The following PRPF8 variants were observed in gnomAD, a reference collection of about 807,000 sequenced individuals.
PRPF8 encodes the protein pre-mRNA-processing-splicing factor 8.
A neutral mutation model predicts 285.9 loss-of-function variants in PRPF8; 64 were observed. That is an observed-to-expected ratio of 0.22 (90% CI 0.18 to 0.28). The LOEUF is 0.28. PRPF8 is among the 10% of genes least tolerant of loss of function. PRPF8 has a pLI of 1.00. For missense variants in PRPF8, 1,426 were observed against 3,026.7 expected (o/e 0.47, Z 12.41); for synonymous variants, 1,325 against 1,118.2 (o/e 1.18, Z -3.69).
intron 24 of PRPF8, among the ~76,000 whole-genome samples, chr17:1,667,701 G>A (rs994931736): frequency 2.6e-5 from 4 of 151,988 alleles, no homozygotes; most frequent in African/African-American, 9.7e-5. Flanking sequence ...GTGCCACCAC[G>A]CCTGGCTAAT....
At chr17:1,678,313 T>G in intron 13 of PRPF8, 1 of 604,394 alleles carries the variant, frequency 1.7e-6, no homozygotes, top group South Asian at 1.9e-5. Context: ...AGACTCAGTT[T>G]CAAAACAAAA....
Position 1,673,016 on chromosome 17 carries a change from AG to A in PRPF8, c.3774+64del, listed in dbSNP as rs926289947. 22 of 1,433,910 alleles carry A rather than the reference AG, an allele frequency of 1.5e-5. No individual in the cohort carries two copies. Among genetic ancestry groups the A allele is most frequent in the Middle Eastern group, 1.8e-4 (1 of 5,582 alleles). The allele number at this position is 1,433,910 out of a possible 1,614,324, so 88.8% of individuals were successfully genotyped here. A position where few individuals can be genotyped will look rare whatever the true frequency, so the allele number is the denominator to read the frequency against. On this transcript the variant is annotated intron_variant, in intron 24 of 42. Coordinates refer to ENST00000304992, the MANE Select transcript of PRPF8 (RefSeq NM_006445.4). This position sits in a 1 kb window ranked among gnomAD's most constrained non-coding sequence, Gnocchi z 5.5. ...AGCAGCCAGCAGGGGACGAAGTGAA[AG>A]GGGTGTGAAATGAGCAGAGGACAGC...
At position 1,658,626 on chromosome 17, in the gene PRPF8, G is replaced by C; in HGVS notation, c.5276C>G (p.Thr1759Ser). The change falls in exon 33 of 43, where the codon ACT becomes AGT. Residue 1759 changes from threonine to serine, a missense_variant. This residue lies in a region of PRPF8 where 19 missense variants were observed against 92.8 expected (regional missense o/e 0.20). Transcript: ENST00000304992. This position sits in a 1 kb window ranked among gnomAD's most constrained non-coding sequence, Gnocchi z 4.1. ...GTTCTGAGAAGACAAATAAGGCTCA[G>C]TGGGTTCAGATGAATAGAGCTGTAG... ...KGLQLYSSEP[T>S]EPYLSSQNYG... 1.9e-6 allele frequency: 3 copies of C among 1,614,216 alleles called. No homozygotes were observed. Among genetic ancestry groups the C allele is most frequent in the Non-Finnish European group, 1.7e-6 (2 of 1,180,014 alleles).
chr17:1,681,211 A>G (rs1912903975), intron 6 of PRPF8, among the ~76,000 whole-genome samples, 157 bp from the exon 7 acceptor site: 1 of 151,740 alleles, frequency 6.6e-6, no homozygotes. Flanking sequence ...TTCCCAAGTA[A>G]CTGAGACTAC....
chr17:1,661,330 G>A lies in PRPF8; in HGVS notation c.4279C>T (p.Arg1427Trp), dbSNP rs1567679906. 2 of 1,614,152 alleles carry A rather than the reference G, an allele frequency of 1.2e-6. No individual in the cohort carries two copies. Among genetic ancestry groups the A allele is most frequent in the East Asian group, 2.2e-5 (1 of 44,882 alleles). The change falls in exon 27 of 43, where the codon CGG (arginine) becomes TGG (tryptophan). Residue 1427 changes from arginine to tryptophan, a missense_variant. Arg to Trp is a moderately radical substitution (Grantham distance 101). Coordinates refer to ENST00000304992, the MANE Select transcript of PRPF8 (RefSeq NM_006445.4). The surrounding 1 kb of genome is among the most constrained non-coding windows in gnomAD (Gnocchi z 7.3). ...CCCTTATCATAAGCCAGTGTGTGCCGGTCCTTCTGGAAGAGGGTATTGATT... is the reference window on the plus strand; with the variant it reads ...CCCTTATCATAAGCCAGTGTGTGCCAGTCCTTCTGGAAGAGGGTATTGATT... ...PRINTLFQKD[R>W]HTLAYDKGWR... is the part of the protein sequence containing the mutation.
At chr17:1,680,675 C>CA in intron 8 of PRPF8, 51 bp downstream of exon 8, 2 of 1,521,454 alleles carry the variant, frequency 1.3e-6, no homozygotes, top group South Asian at 2.2e-5. Flanking sequence ...CAGCCAACCT[C>CA]ACGCATTTCT....
intron 24 of PRPF8, among the ~76,000 whole-genome samples, chr17:1,672,114 T>C (rs980693983): frequency 1.3e-4 from 20 of 152,132 alleles, no homozygotes; most frequent in African/African-American, 4.6e-4. Context: ...CGTAATGCAA[T>C]AGTTCTAAAA....
intron 8 of PRPF8, 38 bp downstream of exon 8, chr17:1,680,688 T>C: frequency 2.6e-6 from 4 of 1,564,356 alleles, no homozygotes; most frequent in East Asian, 2.2e-5. Context: ...GCATTTCTCC[T>C]AGAAGAGCTG....
intron 13 of PRPF8, among the ~76,000 whole-genome samples, 196 bp from the exon 14 acceptor site, chr17:1,677,890 C>T (rs1207834353): frequency 1.3e-5 from 2 of 152,004 alleles, no homozygotes; most frequent in Admixed American, 6.6e-5. Context: ...AACCTTAAGG[C>T]AAAAACCAGG....
In PRPF8 at chr17:1,676,127, CTTCT is replaced by C; in HGVS notation, c.2552+76_2553-74del. 1.2e-6 allele frequency: 2 copies of C among 1,611,760 alleles called. No homozygotes were observed. The highest frequency in any genetic ancestry group is 1.7e-6 in the Non-Finnish European group (2 of 1,179,636). On this transcript the variant is annotated intron_variant, in intron 17 of 42. Coordinates refer to ENST00000304992, the MANE Select transcript of PRPF8 (RefSeq NM_006445.4). The surrounding 1 kb of genome is among the most constrained non-coding windows in gnomAD (Gnocchi z 6.3). ...AAACCAGGAAAGACTGGGGCTACAC[CTTCT>C]TTCTTTGGACTCTGAGGATGACGCC...
chr17:1,680,638 T>C (rs1912863082), intron 8 of PRPF8, 88 bp downstream of exon 8: 16 of 1,204,490 alleles, frequency 1.3e-5, no homozygotes, highest in Non-Finnish European at 2.0e-5. Context: ...AAAACACATC[T>C]CCCTCCACCT....
chr17:1,653,336 C>G lies in PRPF8; in HGVS notation c.6369+206G>C. 1 of 679,650 alleles carries G rather than the reference C, an allele frequency of 1.5e-6. No homozygotes were observed. 42.1% of individuals were successfully genotyped at this position (679,650 alleles called of 1,614,324 possible). A position where few individuals can be genotyped will look rare whatever the true frequency, so the allele number is the denominator to read the frequency against. The stretch of plus-strand genomic sequence containing the variant: ...TCTTCCAAATACTATCAGGCCAATA[C>G]TACAATTACTACCTTCTCTCAGCTG... On this transcript the variant is annotated intron_variant, in intron 39 of 42. Coordinates refer to ENST00000304992, the MANE Select transcript of PRPF8 (RefSeq NM_006445.4). The surrounding 1 kb of genome is among the most constrained non-coding windows in gnomAD (Gnocchi z 4.9).
chr17:1,677,824 T>C, intron 13 of PRPF8, 130 bp from the exon 14 acceptor site: 1 of 1,227,676 alleles, frequency 8.1e-7, no homozygotes, highest in Non-Finnish European at 1.1e-6. Context: ...AGTAGAGGGG[T>C]AAAAAGAAAA....
chr17:1,677,265 T>C, intron 14 of PRPF8, 93 bp from the exon 15 acceptor site: 1 of 1,294,692 alleles, frequency 7.7e-7, no homozygotes, highest in Non-Finnish European at 1.1e-6. Context: ...TTATGGTTAT[T>C]AATAAAATTA....
intron 1 of PRPF8, 52 bp from the exon 2 acceptor site, chr17:1,684,634 A>C: frequency 6.4e-7 from 1 of 1,558,244 alleles, no homozygotes; most frequent in Non-Finnish European, 8.8e-7. Flanking sequence ...CGGGCCCACA[A>C]GAAGCGCAGC....
rs1185464257 is a variant in PRPF8 at position 1,674,616 on chromosome 17, T to C, written c.3125A>G (p.Gln1042Arg). ...RGLQFASFIV[Q>R]YYGLVMDLLV... ...CAAATCCATCACCAGGCCATAATAC[T>C]GCACGATGAATGAGGCAAACTGCAG... The change falls in exon 21 of 43, where the codon CAG becomes CGG. Residue 1042 changes from glutamine to arginine, a missense_variant. Gln to Arg is a conservative substitution (Grantham distance 43). This residue lies in a region of PRPF8 where 32 missense variants were observed against 89.2 expected (regional missense o/e 0.36). Transcript: ENST00000304992. 2 of 1,614,120 alleles carry C rather than the reference T, an allele frequency of 1.2e-6. No individual in the cohort carries two copies. Among genetic ancestry groups the C allele is most frequent in the Non-Finnish European group, 1.7e-6 (2 of 1,180,014 alleles).
chr17:1,678,625 C>T lies in PRPF8; in HGVS notation c.1747G>A (p.Ala583Thr). Residue 583 changes from alanine to threonine, a missense_variant, in exon 13 of 43, where the codon GCC (alanine) becomes ACC (threonine). Ala to Thr is a moderately conservative substitution (Grantham distance 58). Around this residue, in one of 34 missense-constraint regions of PRPF8, gnomAD observed 69 missense variants for 134.7 expected, o/e 0.51. Coordinates refer to ENST00000304992, the MANE Select transcript of PRPF8 (RefSeq NM_006445.4). ...QLADGLQYIFAHVGQLTGMYR... is the reference protein window; with the variant it reads ...QLADGLQYIFTHVGQLTGMYR... ...ATGCCCGTCAACTGCCCAACATGGG[C>T]AAATATATACTGCAATCCATCTGCC... 6.2e-7 allele frequency: 1 copy of T among 1,614,224 alleles called. No homozygotes were observed. Among genetic ancestry groups the T allele is most frequent in the Non-Finnish European group, 8.5e-7 (1 of 1,180,044 alleles).
rs1367947399 is a variant in PRPF8 at position 1,680,909 on chromosome 17, T to C, written c.992+20A>G. On this transcript the variant is annotated intron_variant, in intron 7 of 42. Transcript: ENST00000304992. ...ACAGCAGCCTTCTCCTTTCCAAATG[T>C]TGTGTTCCAGGTCTCTTACCAGGTG... 4 of 1,614,038 alleles carry C rather than the reference T, an allele frequency of 2.5e-6. No individual in the cohort carries two copies. In the African/African-American group the frequency reaches 4.0e-5, roughly 16 times the overall value.
At chr17:1,683,728 C>G in intron 2 of PRPF8, 27 bp from the exon 3 acceptor site, 1 of 1,612,830 alleles carries the variant, frequency 6.2e-7, no homozygotes, top group Non-Finnish European at 8.5e-7. Flanking sequence ...GTTTAAAGGC[C>G]TGCACACCCT....
Sources: allele counts gnomAD v4.1 joint callset (sites outside exome capture counted in the v4.1 genomes callset), GRCh38; gene constraint gnomAD v4.1.1; regional missense constraint gnomAD v4.1.1; non-coding constraint Gnocchi (gnomAD v3.1); transcripts MANE v1.5; gene names NCBI Gene and HGNC (gene_info 2026-07-23, HGNC 2026-07-21).